DOCK8: variants seen among roughly 807,000 people sequenced by gnomAD.
DOCK8 encodes dedicator of cytokinesis protein 8.
A neutral mutation model predicts 245.6 loss-of-function variants in DOCK8; 141 were observed. That is an observed-to-expected ratio of 0.57 (90% CI 0.50 to 0.66). The LOEUF is 0.66. Among genes scored for constraint, DOCK8 ranks in the 30% least tolerant of loss-of-function variants. The pLI is 0.00. For missense variants in DOCK8, 2,965 were observed against 2,603.4 expected (o/e 1.14, Z -3.02); for synonymous variants, 1,168 against 970.2 (o/e 1.20, Z -3.79).
chr9:333,659 A>G (rs1419713301), intron 10 of DOCK8, among the ~76,000 whole-genome samples: 2 of 151,800 alleles, frequency 1.3e-5, no homozygotes, highest in Non-Finnish European at 2.9e-5. Context: ...ATTGTACTCT[A>G]CAGACTCATA....
chr9:292,746 A>G (rs1392340779), intron 4 of DOCK8, among the ~76,000 whole-genome samples: 1 of 152,088 alleles, frequency 6.6e-6, no homozygotes, highest in Non-Finnish European at 1.5e-5. Flanking sequence ...TTAATTTTCA[A>G]CATTCAGAAT....
intron 1 of DOCK8, among the ~76,000 whole-genome samples, chr9:230,265 G>A (rs745354972): frequency 6.0e-5 from 9 of 151,090 alleles, no homozygotes; most frequent in African/African-American, 1.7e-4. Context: ...AGTATTCCAC[G>A]GTGTATATGT....
At chr9:219,854 G>A (rs1417360454) in intron 1 of DOCK8, among the ~76,000 whole-genome samples, 2 of 152,062 alleles carry the variant, frequency 1.3e-5, no homozygotes, top group South Asian at 2.1e-4. Flanking sequence ...CAGTGATTGC[G>A]CCACTGCACT....
chr9:372,226 C>T lies in DOCK8; in HGVS notation c.2049C>T (p.Ser683=). The change falls in exon 18 of 48, where the codon TCC becomes TCT. Residue 683 remains serine, a synonymous_variant. Coordinates refer to ENST00000432829, the MANE Select transcript of DOCK8 (RefSeq NM_203447.4). ...ILLNERLQTG[S]YCLPVALEKL... ...TAAATGAACGTCTTCAAACTGGATC[C>T]TACTGTCTCCCAGTTGCCTTGGAAA... The T allele has an allele frequency of 6.2e-7, 1 of 1,614,148 alleles. No individual in the cohort carries two copies.
chr9:331,466 A>G (rs943989246), intron 9 of DOCK8, among the ~76,000 whole-genome samples: 1 of 152,164 alleles, frequency 6.6e-6, no homozygotes, highest in Non-Finnish European at 1.5e-5. Context: ...TATCATGGGT[A>G]TTGTTAAATA....
chr9:372,531 G>C (rs186693531), intron 18 of DOCK8, among the ~76,000 whole-genome samples: 2 of 152,286 alleles, frequency 1.3e-5, no homozygotes, highest in East Asian at 1.9e-4. Flanking sequence ...ATCTACCACA[G>C]AGGGATTCCC....
intron 1 of DOCK8, among the ~76,000 whole-genome samples, chr9:256,109 T>C (rs1235369409): frequency 6.6e-6 from 1 of 152,238 alleles, no homozygotes; most frequent in East Asian, 1.9e-4. Context: ...ACTTATTTTA[T>C]ATCTAGATAG....
chr9:293,600 C>A (rs1169554434), intron 4 of DOCK8, among the ~76,000 whole-genome samples: 1 of 152,208 alleles, frequency 6.6e-6, no homozygotes, highest in Non-Finnish European at 1.5e-5. Context: ...GTGTGCAACA[C>A]CTTCTTATCT....
intron 1 of DOCK8, among the ~76,000 whole-genome samples, chr9:219,873 A>G (rs1488384114): frequency 6.6e-6 from 1 of 152,144 alleles, no homozygotes; most frequent in African/African-American, 2.4e-5. Flanking sequence ...CTGCAGCCTG[A>G]GTGACAGAGC....
Position 298,349 on chromosome 9 carries a change from C to G in DOCK8, c.405-6232C>G, listed in dbSNP as rs907755770. 2.0e-5 allele frequency among the ~76,000 whole-genome samples: 3 copies of G among 152,096 alleles called. No individual in the cohort carries two copies. In the South Asian group the frequency reaches 6.2e-4, roughly 32 times the overall value. On this transcript the variant is annotated intron_variant, in intron 4 of 47. Transcript: ENST00000432829. ...CTGAGACAGGAGAATTGCTTCAACT[C>G]GGGAGGCGGAGGTTGCAGTGAGCCA... is the stretch of plus-strand genomic sequence containing the variant.
chr9:211,315 A>T (rs1412609544), upstream of DOCK8, among the ~76,000 whole-genome samples: 1 of 152,124 alleles, frequency 6.6e-6, no homozygotes, highest in East Asian at 1.9e-4. Context: ...TCCAACAGAA[A>T]GGTAAAGAAT....
At chr9:459,108 A>G (rs558576730) in intron 46 of DOCK8, among the ~76,000 whole-genome samples, 15 of 152,352 alleles carry the variant, frequency 9.8e-5, no homozygotes, top group African/African-American at 3.4e-4. Context: ...GAATGGTTGT[A>G]TCACTAAGTG....
chr9:330,675 C>T (rs1459402779), intron 9 of DOCK8, among the ~76,000 whole-genome samples: 3 of 152,054 alleles, frequency 2.0e-5, no homozygotes, highest in Admixed American at 2.0e-4. Context: ...AATAGGTATG[C>T]CAAGTGTTAA....
In DOCK8 at chr9:356,656, C is replaced by T. The variant is rs564797584; in HGVS notation, c.1680-11362C>T. 2.6e-5 allele frequency among the ~76,000 whole-genome samples: 4 copies of T among 152,244 alleles called. No homozygotes were observed. The East Asian group carries it at 5.8e-4, about 22-fold the overall frequency. On this transcript the variant is annotated intron_variant, in intron 14 of 47. Transcript: ENST00000432829. The stretch of plus-strand genomic sequence containing the variant: ...CAGTGCTTCCTAGTCAGTGATTACC[C>T]TATCCTCTTTTTATTCCTTTTCTTC...
Position 386,405 on chromosome 9 carries a change from C to A in DOCK8, c.2853C>A (p.Ala951=), listed in dbSNP as rs551786936. 6.2e-7 allele frequency: 1 copy of A among 1,613,698 alleles called. No individual in the cohort carries two copies. Among genetic ancestry groups the A allele is most frequent in the Non-Finnish European group, 8.5e-7 (1 of 1,179,796 alleles). Residue 951 remains alanine, a synonymous_variant, in exon 23 of 48, where the codon GCC becomes GCA. Transcript: ENST00000432829. The stretch of plus-strand genomic sequence containing the variant: ...GTGATGCTCCAAGTTCACCTGCAGC[C>A]CCAAGGCCAGCCAGCAAAAAGGTAC... The part of the protein sequence containing the change: ...GSSDAPSSPA[A]PRPASKKHFH...
rs1278640887 is a variant in DOCK8, at chr9:376,254, T to A, written c.2154T>A (p.His718Gln). Residue 718 changes from histidine (H) to glutamine (Q), a missense_variant, in exon 19 of 48, where the codon CAT becomes CAA. Physicochemically the swap from His to Gln is conservative, Grantham distance 24 (BLOSUM62 0). Transcript: ENST00000432829. The part of the protein sequence containing the change: ...QNPPIKWAEG[H>Q]KGVFNIEVQA... Reference sequence around the variant, plus strand: ...CTCCCATTAAGTGGGCTGAAGGACATAAGGGAGTATTTAATATTGAAGTGC... The same window carrying A: ...CTCCCATTAAGTGGGCTGAAGGACAAAAGGGAGTATTTAATATTGAAGTGC... 1.2e-6 allele frequency: 2 copies of A among 1,613,326 alleles called. No homozygotes were observed. Among genetic ancestry groups the A allele is most frequent in the African/African-American group, 2.7e-5 (2 of 74,812 alleles).
chr9:332,342 T>A, intron 9 of DOCK8, 56 bp from the exon 10 acceptor site: 1 of 1,222,070 alleles, frequency 8.2e-7, no homozygotes, highest in South Asian at 1.2e-5. Context: ...GTTGCATAGA[T>A]TCCTTTTTAT....
intron 1 of DOCK8, among the ~76,000 whole-genome samples, chr9:243,297 C>T (rs1008418495): frequency 4.6e-5 from 7 of 152,100 alleles, no homozygotes; most frequent in African/African-American, 2.4e-5. Context: ...CCCTTAAAAC[C>T]AGTGCATGTT....
chr9:286,055 A>G (rs985589280), intron 2 of DOCK8, among the ~76,000 whole-genome samples: 3 of 152,204 alleles, frequency 2.0e-5, no homozygotes, highest in Admixed American at 2.0e-4. Context: ...GTTTGCCTGG[A>G]TTTCTGGAAA....
Sources: allele counts gnomAD v4.1 joint callset (sites outside exome capture counted in the v4.1 genomes callset), GRCh38; gene constraint gnomAD v4.1.1; transcripts MANE v1.5; gene names NCBI Gene and HGNC (gene_info 2026-07-23, HGNC 2026-07-21).